Variants in TNFRSF11A observed in about 807,000 individuals in gnomAD.
TNFRSF11A encodes TNF receptor superfamily member 11a.
TNFRSF11A carries 32 observed loss-of-function variants against 55.7 expected under a neutral mutation model. That is an observed-to-expected ratio of 0.57 (90% confidence interval 0.43 to 0.77). The LOEUF (loss-of-function observed/expected upper bound fraction) is 0.77. Among genes scored for constraint, TNFRSF11A ranks in the 30% least tolerant of loss-of-function variants. The probability of loss-of-function intolerance (pLI) is 0.00; values close to 1 mark genes in which losing one functional copy is unlikely to be tolerated. For synonymous variants in TNFRSF11A, 311 were observed against 331.0 expected, an observed-to-expected ratio of 0.94 and a Z score of 0.65; for missense variants, 753 against 809.8, an observed-to-expected ratio of 0.93 and a Z score of 0.85.
intron 8 of TNFRSF11A, chr18:62,367,395 G>A (rs1164768501): frequency 1.3e-5 from 2 of 155,068 alleles, no homozygotes; most frequent in African/African-American, 4.8e-5. Flanking sequence ...AGTTATTCTG[G>A]TAACATTTTA....
chr18:62,343,319 A>G (rs1418645701), intron 1 of TNFRSF11A, among the ~76,000 whole-genome samples: 1 of 152,232 alleles, frequency 6.6e-6, no homozygotes, highest in Non-Finnish European at 1.5e-5. Flanking sequence ...GCCTCTTTCT[A>G]CATCGTTCGA....
At chr18:62,338,620 A>G (rs941882974) in intron 1 of TNFRSF11A, among the ~76,000 whole-genome samples, 2 of 152,168 alleles carry the variant, frequency 1.3e-5, no homozygotes, top group African/African-American at 4.8e-5. Flanking sequence ...GAGTGGTCAG[A>G]CTCAGAGACA....
At chr18:62,329,854 A>G (rs1018440730) in intron 1 of TNFRSF11A, among the ~76,000 whole-genome samples, 5 of 152,114 alleles carry the variant, frequency 3.3e-5, no homozygotes, top group African/African-American at 9.7e-5. Context: ...TGCTGTTCTC[A>G]CTGTGTCACG....
intron 1 of TNFRSF11A, among the ~76,000 whole-genome samples, chr18:62,341,835 G>GTTTTTTTTT (rs1568475429): frequency 1.5e-5 from 1 of 68,852 alleles, no homozygotes; most frequent in Non-Finnish European, 2.5e-5. Flanking sequence ...GCTGAGAATG[G>GTTTTTTTTT]CTTTTTTTTT....
rs1911625173 is a variant in TNFRSF11A at position 62,385,111 on chromosome 18, C to T, written c.*77C>T. 9 of 1,363,792 alleles carry T rather than the reference C, an allele frequency of 6.6e-6. No homozygotes were observed. The South Asian group carries it at 8.4e-5, about 13-fold the overall frequency. The allele number at this position is 1,363,792 out of a possible 1,614,324, so 84.5% of individuals were successfully genotyped here. On this transcript the variant is annotated 3_prime_UTR_variant, in exon 10 of 10. Transcript: ENST00000586569. The stretch of plus-strand genomic sequence containing the variant: ...AGCACCGCAGCCTCTGCCCCAGCCC[C>T]GGCCACCCAGGGATCGATCGGTACA...
At chr18:62,355,809 A>G (rs531454491) in intron 4 of TNFRSF11A, among the ~76,000 whole-genome samples, 1 of 152,368 alleles carries the variant, frequency 6.6e-6, no homozygotes, top group East Asian at 1.9e-4. Flanking sequence ...ATGCAACAGC[A>G]TTCAACATCA....
chr18:62,380,505 C>T (rs981154100), intron 9 of TNFRSF11A, among the ~76,000 whole-genome samples: 1 of 146,930 alleles, frequency 6.8e-6, no homozygotes, highest in African/African-American at 2.6e-5. Flanking sequence ...GGCATGATCT[C>T]GGCTCACTGC....
chr18:62,338,529 C>A (rs1429871470), intron 1 of TNFRSF11A, among the ~76,000 whole-genome samples: 2 of 152,146 alleles, frequency 1.3e-5, no homozygotes, highest in East Asian at 3.8e-4. Flanking sequence ...TATGGATGAA[C>A]CTTGGAGACA....
In TNFRSF11A at chr18:62,348,229, G is replaced by A; in HGVS notation, c.137G>A (p.Cys46Tyr). 6.2e-7 allele frequency: 1 copy of A among 1,614,138 alleles called. No homozygotes were observed. The change falls in exon 2 of 10, where the codon TGC becomes TAC. Residue 46 changes from cysteine to tyrosine, a missense_variant. Physicochemically the swap from Cys to Tyr is radical, Grantham distance 194. Around this residue, in one of 3 missense-constraint regions of TNFRSF11A, gnomAD observed 156 missense variants for 155.1 expected, o/e 1.01. Coordinates refer to ENST00000586569, the MANE Select transcript of TNFRSF11A (RefSeq NM_003839.4). Reference sequence around the variant, plus strand: ...AAGCATTATGAGCATCTGGGACGGTGCTGTAACAAATGTGAACCAGGTACA... The same window carrying A: ...AAGCATTATGAGCATCTGGGACGGTACTGTAACAAATGTGAACCAGGTACA... The part of the protein sequence containing the change: ...SEKHYEHLGR[C>Y]CNKCEPGKYM...
At position 62,354,503 on chromosome 18, in the gene TNFRSF11A, G is replaced by A. The variant is rs1909098735; in HGVS notation, c.396G>A (p.Glu132=). 6.2e-7 allele frequency: 1 copy of A among 1,602,474 alleles called. No homozygotes were observed. Among genetic ancestry groups the A allele is most frequent in the Non-Finnish European group, 8.5e-7 (1 of 1,179,238 alleles). The part of the protein sequence containing the change: ...QDCECCRRNT[E]CAPGLGAQHP... ...GCGAGTGCTGCCGCCGCAACACCGA[G>A]TGCGCGCCGGGCCTGGGCGCCCAGC... Residue 132 remains glutamate (E), a synonymous_variant, in exon 4 of 10, where the codon GAG becomes GAA. Coordinates refer to ENST00000586569, the MANE Select transcript of TNFRSF11A (RefSeq NM_003839.4).
Position 62,328,432 on chromosome 18 carries a change from A to AG in TNFRSF11A, c.75+3005_75+3006insG, listed in dbSNP as rs201325053. Among the ~76,000 whole-genome samples, 91 of 152,146 alleles carry AG rather than the reference A, an allele frequency of 6.0e-4. 2 individuals are homozygous for AG. In the East Asian group the frequency reaches 0.017, roughly 29 times the overall value. On this transcript the variant is annotated intron_variant, in intron 1 of 9. Coordinates refer to ENST00000586569, the MANE Select transcript of TNFRSF11A (RefSeq NM_003839.4). ...CTTACAGAAAGAAAGAAAAAAAAAA[A>AG]CAACCATATATTTTTATGACCTTGC... is the stretch of plus-strand genomic sequence containing the variant.
chr18:62,333,551 A>G (rs1308760951), intron 1 of TNFRSF11A, among the ~76,000 whole-genome samples: 1 of 152,150 alleles, frequency 6.6e-6, no homozygotes, highest in Non-Finnish European at 1.5e-5. Flanking sequence ...TCTAATGCTC[A>G]CTCCACCTTG....
At chr18:62,326,403 G>A (rs1268550074) in intron 1 of TNFRSF11A, among the ~76,000 whole-genome samples, 1 of 152,210 alleles carries the variant, frequency 6.6e-6, no homozygotes, top group Non-Finnish European at 1.5e-5. Flanking sequence ...AGATTCTAGG[G>A]AAGATTCATT....
chr18:62,373,341 C>T (rs1910682359), intron 9 of TNFRSF11A, among the ~76,000 whole-genome samples: 1 of 152,182 alleles, frequency 6.6e-6, no homozygotes, highest in Admixed American at 6.5e-5. Context: ...CGCCTGGAAT[C>T]CCAGCTACTT....
In TNFRSF11A at chr18:62,325,957, GC is replaced by G. The variant is rs1363762429; in HGVS notation, c.75+534del. 6.6e-6 allele frequency among the ~76,000 whole-genome samples: 1 copy of G among 152,218 alleles called. No individual in the cohort carries two copies. ...GACACCCCTGCCAGCTCGCCTGGAG[GC>G]CCCGCACGGCGGGGAGAGACTGCGC... On this transcript the variant is annotated intron_variant, in intron 1 of 9. Coordinates refer to ENST00000586569, the MANE Select transcript of TNFRSF11A (RefSeq NM_003839.4). This position sits in a 1 kb window ranked among gnomAD's most constrained non-coding sequence, Gnocchi z 4.7.
rs1375329648 is a variant in TNFRSF11A, at chr18:62,325,981, C to T, written c.75+554C>T. On this transcript the variant is annotated intron_variant, in intron 1 of 9. Coordinates refer to ENST00000586569, the MANE Select transcript of TNFRSF11A (RefSeq NM_003839.4). This position sits in a 1 kb window ranked among gnomAD's most constrained non-coding sequence, Gnocchi z 4.7. ...GGCCCCGCACGGCGGGGAGAGACTG[C>T]GCGCGCGCCCCGGGGATGCTGGACT... Among the ~76,000 whole-genome samples the T allele has an allele frequency of 6.6e-6, 1 of 152,180 alleles. No individual in the cohort carries two copies. The highest frequency in any genetic ancestry group is 2.4e-5 in the African/African-American group (1 of 41,454).
chr18:62,360,000 A>G lies in TNFRSF11A; in HGVS notation c.567A>G (p.Lys189=), dbSNP rs1014580738. 47 of 1,613,948 alleles carry G rather than the reference A, an allele frequency of 2.9e-5. No individual in the cohort carries two copies. Among genetic ancestry groups the G allele is most frequent in the Non-Finnish European group, 3.8e-5 (45 of 1,179,926 alleles). The change falls in exon 6 of 10, where the codon AAA becomes AAG. Residue 189 remains lysine, a synonymous_variant. Transcript: ENST00000586569. The part of the protein sequence containing the change: ...GKRVEHHGTE[K]SDAVCSSSLP... ...GAGTAGAACATCATGGGACAGAGAA[A>G]TCCGATGCGGTTTGCAGTTCTTCTC... is the stretch of plus-strand genomic sequence containing the variant.
chr18:62,371,380 T>C (rs1910542403), intron 9 of TNFRSF11A, among the ~76,000 whole-genome samples: 1 of 152,192 alleles, frequency 6.6e-6, no homozygotes, highest in Admixed American at 6.5e-5. Context: ...GAGAGACACA[T>C]GGATCTTTTA....
chr18:62,347,069 C>G (rs2046394192), intron 1 of TNFRSF11A, among the ~76,000 whole-genome samples: 1 of 152,212 alleles, frequency 6.6e-6, no homozygotes, highest in Non-Finnish European at 1.5e-5. Context: ...CTTACCACCT[C>G]CCTCAGGAAG....
Sources: allele counts gnomAD v4.1 joint callset (sites outside exome capture counted in the v4.1 genomes callset), GRCh38; gene constraint gnomAD v4.1.1; regional missense constraint gnomAD v4.1.1; non-coding constraint Gnocchi (gnomAD v3.1); transcripts MANE v1.5; gene names NCBI Gene and HGNC (gene_info 2026-07-23, HGNC 2026-07-21).